COL18A1: variants seen among roughly 807,000 people sequenced by gnomAD.
COL18A1 encodes the protein collagen type XVIII alpha 1 chain.
In COL18A1, 133 loss-of-function variants were observed where a neutral mutation model predicts 168.0. The ratio of observed to expected loss-of-function variants is 0.79; its 90% CI spans 0.69 to 0.91. The LOEUF is 0.91. Ranked by LOEUF, COL18A1 falls within the 40% of genes least tolerant of loss-of-function variation. COL18A1 has a pLI of 0.00. For synonymous variants in COL18A1, 949 were observed against 809.0 expected, an observed-to-expected ratio of 1.17 and a Z score of -2.94; for missense variants, 2,126 against 1,925.4, an observed-to-expected ratio of 1.10 and a Z score of -1.95.
chr21:45,487,329 C>T, intron 16 of COL18A1, 118 bp from the exon 17 acceptor site: 1 of 1,234,694 alleles, frequency 8.1e-7, no homozygotes, highest in Non-Finnish European at 1.2e-6. Context: ...CGGCGGCTCC[C>T]CAGGCCACCG....
intron 2 of COL18A1, chr21:45,424,172 CG>C (rs1260667729): frequency 6.6e-6 from 1 of 152,224 alleles, no homozygotes; most frequent in East Asian, 1.9e-4. Flanking sequence ...GTGCCCGGTC[CG>C]CCATCCACAG....
At chr21:45,467,464 C>T (rs1203371853) in intron 2 of COL18A1, 3 of 982,308 alleles carry the variant, frequency 3.1e-6, no homozygotes, top group Middle Eastern at 5.2e-4. Context: ...ATTGTGGCCC[C>T]GAGGGGAATC....
At chr21:45,419,762 A>C (rs577484521) in intron 2 of COL18A1, 1 of 152,176 alleles carries the variant, frequency 6.6e-6, no homozygotes, top group Non-Finnish European at 1.5e-5. Context: ...GTCCAACAGG[A>C]GCATTATTCA....
chr21:45,466,591 G>A (rs1025578712), intron 2 of COL18A1, among the ~76,000 whole-genome samples: 11 of 152,196 alleles, frequency 7.2e-5, no homozygotes, highest in African/African-American at 1.9e-4. Context: ...TGGAGGCTGC[G>A]CCATTCTCTG....
At chr21:45,511,072 C>G (rs764423273) in intron 40 of COL18A1, 39 bp from the exon 41 acceptor site, 1 of 969,304 alleles carries the variant, frequency 1.0e-6, no homozygotes, top group African/African-American at 3.0e-5. Context: ...ATCCACACCC[C>G]CACACACCAC....
At chr21:45,508,494 G>A (rs1489574311) in intron 38 of COL18A1, among the ~76,000 whole-genome samples, 1 of 151,794 alleles carries the variant, frequency 6.6e-6, no homozygotes, top group Non-Finnish European at 1.5e-5. Context: ...TGGGTGGGTG[G>A]ATGGATGGTG....
intron 38 of COL18A1, among the ~76,000 whole-genome samples, chr21:45,508,028 G>A (rs933688271): frequency 6.6e-6 from 1 of 152,022 alleles, no homozygotes; most frequent in Non-Finnish European, 1.5e-5. Context: ...TGGAGAGGTG[G>A]GTGAGTGGAT....
At position 45,422,684 on chromosome 21, in the gene COL18A1, C is replaced by T. The variant is rs531711320; in HGVS notation, c.106+17211C>T. ...ACCCTGCCAAGGAAAGGGGAGGTAG[C>T]GGCCCCAGGTCAGGCCACTGGGTGA... is the stretch of plus-strand genomic sequence containing the variant. On this transcript the variant is annotated intron_variant, in intron 2 of 41. Transcript: ENST00000651438. 4.0e-4 allele frequency: 127 copies of T among 316,310 alleles called. 1 individual carries two copies. Among genetic ancestry groups the T allele is most frequent in the Middle Eastern group, 1.2e-3 (1 of 846 alleles). 19.6% of individuals were successfully genotyped at this position (316,310 alleles called of 1,614,324 possible). A position where few individuals can be genotyped will look rare whatever the true frequency, so the allele number is the denominator to read the frequency against.
chr21:45,455,752 GAC>G, intron 2 of COL18A1: 1 of 1,613,744 alleles, frequency 6.2e-7, no homozygotes, highest in South Asian at 1.1e-5. Flanking sequence ...CAGAGCCAGC[GAC>G]AGCCCCTGGC....
At chr21:45,431,227 G>A (rs1301570000) in intron 2 of COL18A1, among the ~76,000 whole-genome samples, 1 of 152,152 alleles carries the variant, frequency 6.6e-6, no homozygotes. Flanking sequence ...ACCCCTTCTG[G>A]GCCAAGGACA....
rs561707686 is a variant in COL18A1, at chr21:45,472,236, T to G, written c.652-1659T>G. On this transcript the variant is annotated intron_variant, in intron 3 of 41. Transcript: ENST00000651438. ...AAGCGCAGTTTTTTTTTTTTGTTTT[T>G]TTTTTGAGACGGAGTCTCGCTCTGT... is the stretch of plus-strand genomic sequence containing the variant. Among the ~76,000 whole-genome samples, 168 of 151,858 alleles carry G rather than the reference T, an allele frequency of 1.1e-3. 1 individual carries two copies. The highest frequency in any genetic ancestry group is 1.6e-3 in the Non-Finnish European group (110 of 67,824).
intron 5 of COL18A1, among the ~76,000 whole-genome samples, chr21:45,475,741 G>A (rs556237983): frequency 1.9e-4 from 27 of 142,132 alleles, no homozygotes; most frequent in Non-Finnish European, 2.8e-4. Context: ...CTGCCTGGCC[G>A]CCGCGTGTCT....
rs758191525 is a variant in COL18A1, at chr21:45,476,382, C to T, written c.830C>T (p.Pro277Leu). 4 of 1,614,158 alleles carry T rather than the reference C, an allele frequency of 2.5e-6. No individual in the cohort carries two copies. The South Asian group carries it at 4.4e-5, about 18-fold the overall frequency. The change falls in exon 6 of 42, where the codon CCA (proline) becomes CTA (leucine). Residue 277 changes from proline (P) to leucine (L), a missense_variant. Pro to Leu is a moderately conservative substitution (Grantham distance 98). Coordinates refer to ENST00000651438, the MANE Select transcript of COL18A1 (RefSeq NM_001379500.1). ...GCCCTAAAACCCAGGCTCCCCGCGCCACCCCCCGTCACCACGCCACCCTTG... is the reference window on the plus strand; with the variant it reads ...GCCCTAAAACCCAGGCTCCCCGCGCTACCCCCCGTCACCACGCCACCCTTG... ...GAALKPRLPAPPPVTTPPLAG... is the reference protein window; with the variant it reads ...GAALKPRLPALPPVTTPPLAG...
In COL18A1 at chr21:45,487,615, G is replaced by A. The variant is rs566713026; in HGVS notation, c.1896+106G>A. 9.7e-5 allele frequency: 139 copies of A among 1,426,278 alleles called. 1 individual carries two copies. In the South Asian group the frequency reaches 1.2e-3, roughly 12 times the overall value. The allele number at this position is 1,426,278 out of a possible 1,614,324, so 88.4% of individuals were successfully genotyped here. A position where few individuals can be genotyped will look rare whatever the true frequency, so the allele number is the denominator to read the frequency against. ...CCGGCCTTGCATGGGATCGGAAGCCGCCCTGCAGAGCCGTGAGGACCACGT... is the reference window on the plus strand; with the variant it reads ...CCGGCCTTGCATGGGATCGGAAGCCACCCTGCAGAGCCGTGAGGACCACGT... On this transcript the variant is annotated intron_variant, in intron 17 of 41. Coordinates refer to ENST00000651438, the MANE Select transcript of COL18A1 (RefSeq NM_001379500.1).
chr21:45,455,479 C>T, intron 2 of COL18A1: 1 of 1,605,580 alleles, frequency 6.2e-7, no homozygotes, highest in Non-Finnish European at 8.5e-7. Flanking sequence ...CTAGCCCCAC[C>T]TCCAGGCACA....
At chr21:45,451,830 C>T (rs1323014444) in intron 2 of COL18A1, among the ~76,000 whole-genome samples, 1 of 152,196 alleles carries the variant, frequency 6.6e-6, no homozygotes, top group Non-Finnish European at 1.5e-5. Flanking sequence ...GTCAACTCTG[C>T]TCCATCGGGA....
chr21:45,496,089 T>TGCCCTCC (rs2036532489), intron 29 of COL18A1: 1 of 260,288 alleles, frequency 3.8e-6, no homozygotes, highest in Admixed American at 5.6e-5. Context: ...CCATGCCCTC[T>TGCCCTCC]ATGCCCTCCA....
At chr21:45,442,865 GGGC>G (rs2034410574) in intron 2 of COL18A1, among the ~76,000 whole-genome samples, 1 of 140,454 alleles carries the variant, frequency 7.1e-6, no homozygotes, top group African/African-American at 2.7e-5. Context: ...GTCCTGGTGT[GGGC>G]GGTGGTGGTG....
chr21:45,443,652 T>C lies in COL18A1; in HGVS notation c.107-24590T>C, dbSNP rs2034441543. On this transcript the variant is annotated intron_variant, in intron 2 of 41. Coordinates refer to ENST00000651438, the MANE Select transcript of COL18A1 (RefSeq NM_001379500.1). The surrounding 1 kb of genome is among the most constrained non-coding windows in gnomAD (Gnocchi z 5.2). Reference sequence around the variant, plus strand: ...GAAAAGTGAAGCCTCTGGGTGGTCCTGTACCTGTCTGTCACATCCCGGGCT... The same window carrying C: ...GAAAAGTGAAGCCTCTGGGTGGTCCCGTACCTGTCTGTCACATCCCGGGCT... 6.6e-6 allele frequency among the ~76,000 whole-genome samples: 1 copy of C among 152,164 alleles called. No individual in the cohort carries two copies. The highest frequency in any genetic ancestry group is 2.4e-5 in the African/African-American group (1 of 41,440).
Sources: allele counts gnomAD v4.1 joint callset (sites outside exome capture counted in the v4.1 genomes callset), GRCh38; gene constraint gnomAD v4.1.1; non-coding constraint Gnocchi (gnomAD v3.1); transcripts MANE v1.5; gene names NCBI Gene and HGNC (gene_info 2026-07-23, HGNC 2026-07-21).